ERC1: variants seen among roughly 807,000 people sequenced by gnomAD.
ERC1 encodes the protein RAB6 interacting protein 2.
A neutral mutation model predicts 132.0 loss-of-function variants in ERC1; 56 were observed. The observed-to-expected ratio is 0.42, with a 90% CI of 0.34 to 0.53. The LOEUF (loss-of-function observed/expected upper bound fraction) is 0.53. ERC1 is among the 20% of genes least tolerant of loss of function. ERC1 has a pLI of 0.03. For missense variants in ERC1, 1,202 were observed against 1,349.9 expected, an observed-to-expected ratio of 0.89 and a Z score of 1.72; for synonymous variants, 478 against 476.1, an observed-to-expected ratio of 1.00 and a Z score of -0.05.
intron 8 of ERC1, among the ~76,000 whole-genome samples, chr12:1,155,356 A>G (rs1033141712): frequency 2.6e-5 from 4 of 151,076 alleles, no homozygotes; most frequent in African/African-American, 7.3e-5. Context: ...CATTTCATCC[A>G]GCAGTCCCAC....
intron 13 of ERC1, among the ~76,000 whole-genome samples, chr12:1,255,871 C>T (rs1210212161): frequency 6.6e-6 from 1 of 151,636 alleles, no homozygotes; most frequent in Non-Finnish European, 1.5e-5. Context: ...AATCTCCTGA[C>T]CTCGTGATCC....
chr12:1,231,307 A>G (rs1189157174), intron 12 of ERC1, among the ~76,000 whole-genome samples: 2 of 152,134 alleles, frequency 1.3e-5, no homozygotes, highest in East Asian at 1.9e-4. Context: ...CTGCAATTTT[A>G]TGTCTCCCTC....
At chr12:1,006,422 G>T (rs1268653155) in intron 1 of ERC1, among the ~76,000 whole-genome samples, 1 of 152,068 alleles carries the variant, frequency 6.6e-6, no homozygotes, top group Non-Finnish European at 1.5e-5. Context: ...TTTTGAGACA[G>T]AGTGTTACTC....
intron 15 of ERC1, among the ~76,000 whole-genome samples, chr12:1,340,829 G>C (rs564662208): frequency 6.6e-6 from 1 of 151,908 alleles, no homozygotes; most frequent in African/African-American, 2.4e-5. Flanking sequence ...CCAATTCCTG[G>C]GCTCAAGCAG....
chr12:1,467,979 G>A lies in ERC1; in HGVS notation c.3214-22114G>A, dbSNP rs542794149. Among the ~76,000 whole-genome samples the A allele has an allele frequency of 2.0e-5, 3 of 152,310 alleles. No individual in the cohort carries two copies. In the South Asian group the frequency reaches 6.2e-4, roughly 32 times the overall value. On this transcript the variant is annotated intron_variant, in intron 18 of 18. Transcript: ENST00000360905. ...CGGCTGTAAATATAGATGAAGCTTT[G>A]CTTCCTGGCTAGCCCTTCACCTCCT... is the stretch of plus-strand genomic sequence containing the variant.
intron 17 of ERC1, among the ~76,000 whole-genome samples, chr12:1,439,857 AAC>A (rs1161140599): frequency 1.3e-5 from 2 of 152,212 alleles, no homozygotes; most frequent in Admixed American, 6.5e-5. Flanking sequence ...CCTTGTGGGA[AAC>A]ACAGTTTCTT....
intron 16 of ERC1, among the ~76,000 whole-genome samples, chr12:1,400,738 T>C (rs1159188537): frequency 2.0e-5 from 3 of 151,930 alleles, no homozygotes; most frequent in Admixed American, 6.6e-5. Context: ...CAGTTGACCA[T>C]AAAAAAATGA....
intron 18 of ERC1, among the ~76,000 whole-genome samples, chr12:1,466,847 GAGATA>G (rs1049955903): frequency 5.9e-5 from 9 of 152,152 alleles, no homozygotes; most frequent in Non-Finnish European, 8.8e-5. Flanking sequence ...GAATTTTCCG[GAGATA>G]AGATTATGGT....
In ERC1 at chr12:1,408,741, G is replaced by A. The variant is rs149409163; in HGVS notation, c.3024+494G>A. 2.0e-4 allele frequency among the ~76,000 whole-genome samples: 30 copies of A among 152,234 alleles called. 1 individual carries two copies. The highest frequency in any genetic ancestry group is 4.1e-4 in the Non-Finnish European group (28 of 68,008). Reference sequence around the variant, plus strand: ...TTAGTTCTTCACTCCCTGTCCTTGTGGATCCCTCCAGCATGTCATGCTTAA... The same window carrying A: ...TTAGTTCTTCACTCCCTGTCCTTGTAGATCCCTCCAGCATGTCATGCTTAA... On this transcript the variant is annotated intron_variant, in intron 17 of 18. Transcript: ENST00000360905.
chr12:1,420,703 C>T (rs1269426959), intron 17 of ERC1, among the ~76,000 whole-genome samples: 1 of 152,150 alleles, frequency 6.6e-6, no homozygotes. Flanking sequence ...GATCCACCCA[C>T]CTCGGCCCCC....
intron 2 of ERC1, among the ~76,000 whole-genome samples, chr12:1,056,089 A>T (rs1351993050): frequency 2.1e-4 from 32 of 151,832 alleles, no homozygotes; most frequent in Admixed American, 6.5e-4. Flanking sequence ...TTTTTTAAAA[A>T]AAAGGTGAAT....
chr12:1,183,906 C>A, intron 11 of ERC1, among the ~76,000 whole-genome samples: 1 of 151,906 alleles, frequency 6.6e-6, no homozygotes, highest in East Asian at 1.9e-4. Context: ...GAGGCCGAGG[C>A]GGGCAGATGA....
chr12:1,323,024 A>G (rs945649870), intron 15 of ERC1, among the ~76,000 whole-genome samples: 4 of 152,128 alleles, frequency 2.6e-5, no homozygotes, highest in African/African-American at 4.8e-5. Flanking sequence ...CTCTCTTCTT[A>G]TTGCCAAGCT....
At chr12:1,140,096 G>T (rs1385881792) in intron 7 of ERC1, among the ~76,000 whole-genome samples, 1 of 152,146 alleles carries the variant, frequency 6.6e-6, no homozygotes, top group Admixed American at 6.5e-5. Flanking sequence ...GACTGGTCGC[G>T]TAGAAGTAGT....
intron 15 of ERC1, among the ~76,000 whole-genome samples, chr12:1,333,234 G>A (rs2083020278): frequency 1.3e-5 from 2 of 151,970 alleles, no homozygotes; most frequent in African/African-American, 4.8e-5. Context: ...TGTTTGTTAA[G>A]GGTAGTGGTC....
Position 1,112,311 on chromosome 12 carries a change from AG to A in ERC1, c.1401+14del. 1 of 1,599,176 alleles carries A rather than the reference AG, an allele frequency of 6.3e-7. No individual in the cohort carries two copies. Among genetic ancestry groups the A allele is most frequent in the South Asian group, 1.1e-5 (1 of 90,770 alleles). ...TCTTCAGGCTGAGGTCTTTGCCGTA[AG>A]ATTTACCTCTTTGTGTGCAGTGGTC... On this transcript the variant is annotated intron_variant, in intron 6 of 18. Transcript: ENST00000360905.
At chr12:1,077,274 G>A (rs146555283) in intron 2 of ERC1, among the ~76,000 whole-genome samples, 1 of 152,102 alleles carries the variant, frequency 6.6e-6, no homozygotes, top group African/African-American at 2.4e-5. Flanking sequence ...GTTATTTTAG[G>A]AATGAGAATA....
intron 14 of ERC1, 64 bp from the exon 15 acceptor site, chr12:1,289,788 C>T (rs1416480810): frequency 2.2e-6 from 3 of 1,386,772 alleles, no homozygotes; most frequent in East Asian, 2.3e-5. Flanking sequence ...TTGCGTGTTA[C>T]CCAGGTCCTC....
chr12:1,475,136 A>G (rs993984824), intron 18 of ERC1, among the ~76,000 whole-genome samples: 2 of 152,198 alleles, frequency 1.3e-5, no homozygotes, highest in Non-Finnish European at 2.9e-5. Context: ...CCATCCCTTA[A>G]GAACTTTAAA....
Sources: gnomAD v4.1 joint callset for allele counts (sites outside exome capture counted in the v4.1 genomes callset) on GRCh38, gnomAD v4.1.1 for gene constraint, MANE v1.5 for transcripts, NCBI Gene and HGNC (gene_info 2026-07-23, HGNC 2026-07-21) for gene names.